The following VWA8 variants were observed in gnomAD, a reference collection of about 807,000 sequenced individuals.
VWA8 encodes von Willebrand factor A domain containing 8.
In VWA8, 221 loss-of-function variants were observed where a neutral mutation model predicts 241.5. The observed-to-expected ratio is 0.91, with a 90% CI of 0.82 to 1.02. VWA8 has a LOEUF of 1.02. Ranked by LOEUF, VWA8 falls within the 50% of genes least tolerant of loss-of-function variation. The probability of loss-of-function intolerance (pLI) is 0.00; values close to 1 mark genes in which losing one functional copy is unlikely to be tolerated. For synonymous variants in VWA8, 852 were observed against 827.1 expected (o/e 1.03, Z -0.52); for missense variants, 2,322 against 2,328.7 (o/e 1.00, Z 0.06).
At chr13:41,675,773 AC>A (rs2045056209) in intron 35 of VWA8, among the ~76,000 whole-genome samples, 1 of 152,014 alleles carries the variant, frequency 6.6e-6, no homozygotes, top group Non-Finnish European at 1.5e-5. Flanking sequence ...GGGGATAACA[AC>A]CCCACTGTAA....
At chr13:41,594,156 C>G (rs1470491855) in intron 40 of VWA8, among the ~76,000 whole-genome samples, 1 of 150,560 alleles carries the variant, frequency 6.6e-6, no homozygotes, top group Non-Finnish European at 1.5e-5. Flanking sequence ...GTCTCTGACA[C>G]CCAGGCTGGA....
At chr13:41,702,682 T>C (rs1182603746) in intron 27 of VWA8, among the ~76,000 whole-genome samples, 1 of 152,228 alleles carries the variant, frequency 6.6e-6, no homozygotes, top group East Asian at 1.9e-4. Context: ...CAACAGAATC[T>C]GTAGGGCCAC....
intron 4 of VWA8, among the ~76,000 whole-genome samples, chr13:41,894,073 T>C (rs1177595351): frequency 6.6e-6 from 1 of 152,254 alleles, no homozygotes; most frequent in Non-Finnish European, 1.5e-5. Context: ...AAATATTGCA[T>C]TTGACTTTTT....
intron 16 of VWA8, among the ~76,000 whole-genome samples, chr13:41,814,118 T>C (rs191066418): frequency 2.1e-4 from 32 of 152,316 alleles, no homozygotes; most frequent in African/African-American, 7.2e-4. Flanking sequence ...GGACAATCTG[T>C]TAATAAAATT....
intron 12 of VWA8, among the ~76,000 whole-genome samples, chr13:41,837,226 C>A (rs531439598): frequency 6.6e-6 from 1 of 152,076 alleles, no homozygotes; most frequent in Non-Finnish European, 1.5e-5. Context: ...TTCTAATAAA[C>A]CTTTGCATCA....
intron 14 of VWA8, among the ~76,000 whole-genome samples, chr13:41,827,456 T>A (rs1182620224): frequency 1.3e-5 from 2 of 152,116 alleles, no homozygotes; most frequent in African/African-American, 4.8e-5. Context: ...AACCTGAAGT[T>A]TGAAAGTAGT....
intron 39 of VWA8, among the ~76,000 whole-genome samples, chr13:41,605,803 T>G (rs1411680492): frequency 1.3e-5 from 2 of 152,320 alleles, no homozygotes; most frequent in East Asian, 3.9e-4. Flanking sequence ...AATGTGCTGC[T>G]ATGTATCCCT....
rs746039683 is a variant in VWA8, at chr13:41,605,188, T to G, written c.4966A>C (p.Ile1656Leu). ...AVRRQVHSLR[I>L]ILDNLQAKGK... ...ATTACCTGTAAATTATCCAGGATGATTCGGAGGGAGTGCACCTGTCGCCGA... is the reference window on the plus strand; with the variant it reads ...ATTACCTGTAAATTATCCAGGATGAGTCGGAGGGAGTGCACCTGTCGCCGA... Residue 1656 changes from isoleucine to leucine, a missense_variant, in exon 40 of 45, where the codon ATC becomes CTC. Physicochemically the swap from Ile to Leu is conservative, Grantham distance 5. Transcript: ENST00000379310. The G allele has an allele frequency of 6.3e-5, 102 of 1,612,982 alleles. No homozygotes were observed. Among genetic ancestry groups the G allele is most frequent in the Non-Finnish European group, 8.1e-5 (96 of 1,179,312 alleles).
intron 37 of VWA8, among the ~76,000 whole-genome samples, chr13:41,657,000 C>T (rs1413695032): frequency 1.3e-5 from 2 of 152,074 alleles, no homozygotes; most frequent in Non-Finnish European, 2.9e-5. Context: ...GGGGTGGAGA[C>T]ATGGCCCAGG....
intron 21 of VWA8, among the ~76,000 whole-genome samples, chr13:41,733,466 G>A (rs912910350): frequency 6.6e-6 from 1 of 152,168 alleles, no homozygotes; most frequent in Non-Finnish European, 1.5e-5. Context: ...TAGAACACTT[G>A]GAAAGTGTAT....
At chr13:41,655,847 T>C (rs553426135) in intron 37 of VWA8, among the ~76,000 whole-genome samples, 3 of 152,372 alleles carry the variant, frequency 2.0e-5, no homozygotes, top group African/African-American at 7.2e-5. Flanking sequence ...TAAATATTTC[T>C]TGAGCTGGGC....
rs188371465 is a variant in VWA8, at chr13:41,720,462, C to T, written c.2965-720G>A. Among the ~76,000 whole-genome samples, 918 of 152,144 alleles carry T rather than the reference C, an allele frequency of 6.0e-3. 5 individuals are homozygous for T. Among genetic ancestry groups the T allele is most frequent in the Middle Eastern group, 0.017 (5 of 294 alleles). On this transcript the variant is annotated intron_variant, in intron 25 of 44. Transcript: ENST00000379310. ...TATTTATGGGGTACAATGTGATATTCCAATGTATGTATGCCTTACAGAATG... is the reference window on the plus strand; with the variant it reads ...TATTTATGGGGTACAATGTGATATTTCAATGTATGTATGCCTTACAGAATG...
chr13:41,872,013 T>G (rs551410142), intron 9 of VWA8, among the ~76,000 whole-genome samples: 1,664 of 152,320 alleles, frequency 0.011, 29 homozygotes, highest in African/African-American at 0.039. Context: ...TGGTGTGAGA[T>G]GGTATCTCAT....
At chr13:41,800,984 T>A (rs1460840177) in intron 17 of VWA8, among the ~76,000 whole-genome samples, 4 of 152,128 alleles carry the variant, frequency 2.6e-5, no homozygotes, top group Non-Finnish European at 2.9e-5. Context: ...TTAAAAATGT[T>A]CTCATGTTTT....
At position 41,879,382 on chromosome 13, in the gene VWA8, T is replaced by TACAC. The variant is rs3073827; in HGVS notation, c.1080+4001_1080+4004dup. Among the ~76,000 whole-genome samples, 1,061 of 140,862 alleles carry TACAC rather than the reference T, an allele frequency of 7.5e-3. 12 individuals carry two copies. The highest frequency in any genetic ancestry group is 0.018 in the Middle Eastern group (5 of 280). The allele number at this position is 140,862 out of a possible 152,430, so 92.4% of individuals were successfully genotyped here. A position where few individuals can be genotyped will look rare whatever the true frequency, so the allele number is the denominator to read the frequency against. ...CCTCTCTCTCTCATACATACACACA[T>TACAC]ACACACACACACACACACACACACA... On this transcript the variant is annotated intron_variant, in intron 9 of 44. Coordinates refer to ENST00000379310, the MANE Select transcript of VWA8 (RefSeq NM_015058.2).
Position 41,960,967 on chromosome 13 carries a change from G to A in VWA8, c.49C>T (p.Pro17Ser). Residue 17 changes from proline to serine, a missense_variant, in exon 1 of 45, where the codon CCG (proline) becomes TCG (serine). Transcript: ENST00000379310. Reference sequence around the variant, plus strand: ...AGCAGCCGCATGCGCCGCGAGGCCGGGCCGCCGTGGCCTCCGGGTGCCCCG... The same window carrying A: ...AGCAGCCGCATGCGCCGCGAGGCCGAGCCGCCGTGGCCTCCGGGTGCCCCG... ...LLGAPGGHGG[P>S]ASRRMRLLLR... 5.6e-6 allele frequency: 8 copies of A among 1,434,084 alleles called. No individual in the cohort carries two copies. The highest frequency in any genetic ancestry group is 7.3e-6 in the Non-Finnish European group (8 of 1,102,918). The allele number at this position is 1,434,084 out of a possible 1,614,324, so 88.8% of individuals were successfully genotyped here.
In VWA8 at chr13:41,729,525, C is replaced by T. The variant is rs1254298940; in HGVS notation, c.2638+17G>A. On this transcript the variant is annotated intron_variant, in intron 23 of 44. Coordinates refer to ENST00000379310, the MANE Select transcript of VWA8 (RefSeq NM_015058.2). ...ATTGTATTTATTAAAGGAAACATTG[C>T]TTTCTAAAATACTCACTTGCAACAA... 5.0e-6 allele frequency: 8 copies of T among 1,600,910 alleles called. No homozygotes were observed. The highest frequency in any genetic ancestry group is 6.8e-6 in the Non-Finnish European group (8 of 1,174,834).
intron 12 of VWA8, among the ~76,000 whole-genome samples, chr13:41,841,859 A>ATATAT (rs1566478204): frequency 5.4e-5 from 4 of 74,438 alleles, no homozygotes; most frequent in African/African-American, 1.4e-4. Context: ...ATATATATAT[A>ATATAT]AAAACAGTAG....
chr13:41,613,272 T>C (rs910779242), intron 38 of VWA8, among the ~76,000 whole-genome samples: 1 of 152,322 alleles, frequency 6.6e-6, no homozygotes, highest in East Asian at 1.9e-4. Flanking sequence ...ACTACTTTAA[T>C]CTTTTGATTG....
Sources: allele counts gnomAD v4.1 joint callset (sites outside exome capture counted in the v4.1 genomes callset), GRCh38; gene constraint gnomAD v4.1.1; transcripts MANE v1.5; gene names NCBI Gene and HGNC (gene_info 2026-07-23, HGNC 2026-07-21).